THYN1: variants seen among roughly 807,000 people sequenced by gnomAD.
The protein encoded by THYN1 is thymocyte protein thy28.
A neutral mutation model predicts 30.6 loss-of-function variants in THYN1; 32 were observed. The observed-to-expected ratio is 1.05, with a 90% CI of 0.79 to 1.40. THYN1 has a LOEUF of 1.40. THYN1 is among the 40% of genes most tolerant of loss of function. The pLI, the probability that THYN1 is intolerant of heterozygous loss-of-function variation, is 0.00. For synonymous variants in THYN1, 107 were observed against 90.8 expected (o/e 1.18, Z -1.01); for missense variants, 259 against 272.6 (o/e 0.95, Z 0.35).
chr11:134,249,694 T>C, intron 4 of THYN1, 134 bp downstream of exon 4: 1 of 881,246 alleles, frequency 1.1e-6, no homozygotes, highest in Non-Finnish European at 1.7e-6. Flanking sequence ...AGTTTTTCCC[T>C]ATTCCTGTAA....
At chr11:134,251,351 G>A (rs1939040871) in intron 1 of THYN1, 43 bp from the exon 2 acceptor site, 3 of 1,567,832 alleles carry the variant, frequency 1.9e-6, no homozygotes, top group Non-Finnish European at 1.7e-6. Context: ...GCTTGTTAAA[G>A]GCAATGTTTC....
chr11:134,252,888 C>T lies in THYN1; in HGVS notation c.-6G>A, dbSNP rs1333563105. On this transcript the variant is annotated 5_prime_UTR_variant, in exon 1 of 7. It adds an upstream start codon to the 5' untranslated region. Transcript: ENST00000341541. Reference sequence around the variant, plus strand: ...CTCTTCCGGGGTCTCGACATGGTCACGCTGCAGGGGACTTTAGTGCGGACG... The same window carrying T: ...CTCTTCCGGGGTCTCGACATGGTCATGCTGCAGGGGACTTTAGTGCGGACG... 2 of 1,598,758 alleles carry T rather than the reference C, an allele frequency of 1.3e-6. No individual in the cohort carries two copies. Among genetic ancestry groups the T allele is most frequent in the African/African-American group, 1.4e-5 (1 of 73,590 alleles).
At chr11:134,249,009 G>A (rs532841374) in intron 5 of THYN1, 50 bp from the exon 6 acceptor site, 3 of 1,605,878 alleles carry the variant, frequency 1.9e-6, no homozygotes, top group South Asian at 2.2e-5. Context: ...GGCTGACTGT[G>A]CCCACTGTAT....
intron 1 of THYN1, 165 bp from the exon 2 acceptor site, chr11:134,251,473 T>TA: frequency 1.4e-6 from 1 of 735,692 alleles, no homozygotes; most frequent in Non-Finnish European, 2.2e-6. Flanking sequence ...CTATAAAAAT[T>TA]AGACAAGAAT....
At chr11:134,249,975 T>G in intron 3 of THYN1, 55 bp from the exon 4 acceptor site, 1 of 1,547,144 alleles carries the variant, frequency 6.5e-7, no homozygotes, top group Non-Finnish European at 8.8e-7. Context: ...AAGTACTAGC[T>G]TTTAGCAGAA....
At position 134,249,869 on chromosome 11, in the gene THYN1, G is replaced by A. The variant is rs776501619; in HGVS notation, c.343C>T (p.His115Tyr). ...ATGCCTGGCTCTTTGCAGTTGCTAT[G>A]GTAGAAGAAGGCTTCTTCTCCCAGC... is the stretch of plus-strand genomic sequence containing the variant. Reference protein sequence around the residue: ...MKLGEEAFFYHSNCKEPGIAG... With the variant: ...MKLGEEAFFYYSNCKEPGIAG... The change falls in exon 4 of 7, where the codon CAT (histidine) becomes TAT (tyrosine). Residue 115 changes from histidine to tyrosine, a missense_variant. Transcript: ENST00000341541. 2 of 1,614,110 alleles carry A rather than the reference G, an allele frequency of 1.2e-6. No individual in the cohort carries two copies. Among genetic ancestry groups the A allele is most frequent in the Admixed American group, 3.3e-5 (2 of 60,022 alleles).
In THYN1 at chr11:134,248,349, T is replaced by C. The variant is rs1565361110; in HGVS notation, c.*89A>G. The C allele has an allele frequency of 1.4e-6, 2 of 1,470,958 alleles. No individual in the cohort carries two copies. Among genetic ancestry groups the C allele is most frequent in the Non-Finnish European group, 1.9e-6 (2 of 1,049,674 alleles). The allele number at this position is 1,470,958 out of a possible 1,614,324, so 91.1% of individuals were successfully genotyped here. A position where few individuals can be genotyped will look rare whatever the true frequency, so the allele number is the denominator to read the frequency against. ...TGAGGTACACAAGCCCAGGTAAGCA[T>C]ACCAAGCAAGCCCCCTCACACCTTT... On this transcript the variant is annotated 3_prime_UTR_variant, in exon 7 of 7. Coordinates refer to ENST00000341541, the MANE Select transcript of THYN1 (RefSeq NM_014174.3).
intron 2 of THYN1, among the ~76,000 whole-genome samples, chr11:134,250,891 C>T (rs1048367845): frequency 7.9e-5 from 12 of 152,184 alleles, no homozygotes; most frequent in African/African-American, 2.4e-4. Context: ...GACTGTAACA[C>T]GCACAAGCCT....
chr11:134,249,738 T>C (rs532667762), intron 4 of THYN1, 90 bp downstream of exon 4: 437 of 1,303,974 alleles, frequency 3.4e-4, no homozygotes, highest in Middle Eastern at 2.0e-3. Flanking sequence ...TGTACTTTTT[T>C]GTTGCCTAAT....
chr11:134,248,407 T>C lies in THYN1; in HGVS notation c.*31A>G, dbSNP rs1300203412. On this transcript the variant is annotated 3_prime_UTR_variant, in exon 7 of 7. Coordinates refer to ENST00000341541, the MANE Select transcript of THYN1 (RefSeq NM_014174.3). Reference sequence around the variant, plus strand: ...AAAAAGCTTGACTTCTTTGCAGCAATGTCTCGCCCATTCCAGCAGCAGTAT... The same window carrying C: ...AAAAAGCTTGACTTCTTTGCAGCAACGTCTCGCCCATTCCAGCAGCAGTAT... 6.2e-7 allele frequency: 1 copy of C among 1,614,054 alleles called. No individual in the cohort carries two copies. The highest frequency in any genetic ancestry group is 2.2e-5 in the East Asian group (1 of 44,876).
At chr11:134,251,035 G>C in intron 2 of THYN1, 95 bp downstream of exon 2, 4 of 1,296,392 alleles carry the variant, frequency 3.1e-6, no homozygotes, top group Non-Finnish European at 3.1e-6. Context: ...TCCCTTCAAA[G>C]ATAAGAAGCT....
In THYN1 at chr11:134,248,339, C is replaced by T. The variant is rs567732747; in HGVS notation, c.*99G>A. 1.5e-6 allele frequency: 2 copies of T among 1,338,884 alleles called. No individual in the cohort carries two copies. Among genetic ancestry groups the T allele is most frequent in the East Asian group, 2.3e-5 (1 of 43,606 alleles). 82.9% of individuals were successfully genotyped at this position (1,338,884 alleles called of 1,614,324 possible). On this transcript the variant is annotated 3_prime_UTR_variant, in exon 7 of 7. Coordinates refer to ENST00000341541, the MANE Select transcript of THYN1 (RefSeq NM_014174.3). ...CAAAAACCACTGAGGTACACAAGCCCAGGTAAGCATACCAAGCAAGCCCCC... is the reference window on the plus strand; with the variant it reads ...CAAAAACCACTGAGGTACACAAGCCTAGGTAAGCATACCAAGCAAGCCCCC...
chr11:134,250,063 GGACACCCA>G, intron 3 of THYN1, 143 bp from the exon 4 acceptor site: 1 of 992,956 alleles, frequency 1.0e-6, no homozygotes, highest in Non-Finnish European at 1.5e-6. Context: ...CCCTTTGCCA[GGACACCCA>G]GACTTTTACC....
At chr11:134,251,679 CA>C (rs1038286581) in intron 1 of THYN1, 3 of 179,768 alleles carry the variant, frequency 1.7e-5, no homozygotes, top group Admixed American at 1.2e-4. Flanking sequence ...TGAGGTAATA[CA>C]AAGGGCCTAG....
chr11:134,250,957 T>G (rs1276520988), intron 2 of THYN1, among the ~76,000 whole-genome samples, 173 bp downstream of exon 2: 3 of 152,250 alleles, frequency 2.0e-5, no homozygotes, highest in South Asian at 4.1e-4. Flanking sequence ...CTGCCCTAGA[T>G]ACACAGGTTC....
chr11:134,252,816 T>C, intron 1 of THYN1, 24 bp downstream of exon 1: 2 of 1,613,670 alleles, frequency 1.2e-6, no homozygotes, highest in South Asian at 1.1e-5. Flanking sequence ...TGGGCTGCCT[T>C]TGTGCAGCCT....
chr11:134,248,343 T>G lies in THYN1; in HGVS notation c.*95A>C. 1 of 1,385,792 alleles carries G rather than the reference T, an allele frequency of 7.2e-7. No individual in the cohort carries two copies. Among genetic ancestry groups the G allele is most frequent in the Non-Finnish European group, 1.0e-6 (1 of 971,778 alleles). 85.8% of individuals were successfully genotyped at this position (1,385,792 alleles called of 1,614,324 possible). A position where few individuals can be genotyped will look rare whatever the true frequency, so the allele number is the denominator to read the frequency against. On this transcript the variant is annotated 3_prime_UTR_variant, in exon 7 of 7. Coordinates refer to ENST00000341541, the MANE Select transcript of THYN1 (RefSeq NM_014174.3). ...AACCACTGAGGTACACAAGCCCAGGTAAGCATACCAAGCAAGCCCCCTCAC... is the reference window on the plus strand; with the variant it reads ...AACCACTGAGGTACACAAGCCCAGGGAAGCATACCAAGCAAGCCCCCTCAC...
rs569063348 is a variant in THYN1 at position 134,253,037 on chromosome 11, C to T, written c.-155G>A. The T allele has an allele frequency of 3.5e-6, 5 of 1,412,596 alleles. No homozygotes were observed. The highest frequency in any genetic ancestry group is 3.7e-6 in the Non-Finnish European group (4 of 1,089,376). 87.5% of individuals were successfully genotyped at this position (1,412,596 alleles called of 1,614,324 possible). ...AACTTTTGCGAAACACAGACGCCTA[C>T]GTTTGAGCCCTCAAATCCTTCCCTC... is the stretch of plus-strand genomic sequence containing the variant. On this transcript the variant is annotated 5_prime_UTR_variant, in exon 1 of 7. Transcript: ENST00000341541.
intron 3 of THYN1, 135 bp from the exon 4 acceptor site, chr11:134,250,055 C>CTTTGCCAGGACACCCAGACT: frequency 9.7e-7 from 1 of 1,028,646 alleles, no homozygotes; most frequent in Non-Finnish European, 1.4e-6. Flanking sequence ...AGTCCTTCCC[C>CTTTGCCAGGACACCCAGACT]TTTGCCAGGA....
Sources: allele counts gnomAD v4.1 joint callset (sites outside exome capture counted in the v4.1 genomes callset), GRCh38; gene constraint gnomAD v4.1.1; transcripts MANE v1.5; gene names NCBI Gene and HGNC (gene_info 2026-07-23, HGNC 2026-07-21).